REG1A: variants seen among roughly 807,000 people sequenced by gnomAD.
REG1A encodes the protein regenerating family member 1 alpha.
REG1A carries 20 observed loss-of-function variants against 20.7 expected under a neutral mutation model. That is an observed-to-expected ratio of 0.97 (90% confidence interval 0.68 to 1.41). The LOEUF (loss-of-function observed/expected upper bound fraction) is 1.41, where lower values mean the gene tolerates loss of function less well. Ranked by LOEUF, REG1A falls within the 40% of genes most tolerant of loss-of-function variation. The pLI is 0.00. For missense variants in REG1A, 193 were observed against 201.8 expected, an observed-to-expected ratio of 0.96 and a Z score of 0.26; for synonymous variants, 90 against 71.6, an observed-to-expected ratio of 1.26 and a Z score of -1.30.
Position 79,123,289 on chromosome 2 carries a change from C to G in REG1A, c.*74C>G, listed in dbSNP as rs1438214334. 1 of 943,552 alleles carries G rather than the reference C, an allele frequency of 1.1e-6. No individual in the cohort carries two copies. 58.4% of individuals were successfully genotyped at this position (943,552 alleles called of 1,614,324 possible). A position where few individuals can be genotyped will look rare whatever the true frequency, so the allele number is the denominator to read the frequency against. On this transcript the variant is annotated 3_prime_UTR_variant, in exon 6 of 6. Coordinates refer to ENST00000233735, the MANE Select transcript of REG1A (RefSeq NM_002909.5). ...AGTCAAAAATTAAACCGGACCATCT[C>G]TCCAACTCAACTCAACCTGGACACT... is the stretch of plus-strand genomic sequence containing the variant.
chr2:79,121,703 G>T, intron 3 of REG1A, 23 bp downstream of exon 3: 1 of 1,604,478 alleles, frequency 6.2e-7, no homozygotes, highest in Non-Finnish European at 8.5e-7. Flanking sequence ...AGCAGTGTGG[G>T]AAGGGAGACT....
rs1672916271 is a variant in REG1A, at chr2:79,123,305, C to A, written c.*90C>A. On this transcript the variant is annotated 3_prime_UTR_variant, in exon 6 of 6. Coordinates refer to ENST00000233735, the MANE Select transcript of REG1A (RefSeq NM_002909.5). ...GGACCATCTCTCCAACTCAACTCAA[C>A]CTGGACACTCTCTTCTCTGCTGAGT... is the stretch of plus-strand genomic sequence containing the variant. 2.7e-6 allele frequency: 2 copies of A among 749,488 alleles called. No individual in the cohort carries two copies. Among genetic ancestry groups the A allele is most frequent in the Non-Finnish European group, 4.5e-6 (2 of 443,008 alleles). 46.4% of individuals were successfully genotyped at this position (749,488 alleles called of 1,614,324 possible).
At chr2:79,121,826 C>T in intron 3 of REG1A, 146 bp downstream of exon 3, 1 of 1,332,476 alleles carries the variant, frequency 7.5e-7, no homozygotes, top group East Asian at 2.3e-5. Flanking sequence ...CTACTTTATC[C>T]CATTATTCAG....
intron 2 of REG1A, 128 bp from the exon 3 acceptor site, chr2:79,121,434 T>G (rs1043892305): frequency 1.3e-6 from 1 of 748,552 alleles, no homozygotes; most frequent in Non-Finnish European, 2.3e-6. Flanking sequence ...GCAGGAGCAA[T>G]AGTGAGCAGT....
intron 2 of REG1A, among the ~76,000 whole-genome samples, 182 bp from the exon 3 acceptor site, chr2:79,121,380 T>A (rs1428162085): frequency 6.6e-6 from 1 of 152,142 alleles, no homozygotes; most frequent in Non-Finnish European, 1.5e-5. Flanking sequence ...TCATTCTGTT[T>A]TTTTTCCCCT....
At chr2:79,121,513 G>A (rs200108839) in intron 2 of REG1A, 49 bp from the exon 3 acceptor site, 245 of 1,487,688 alleles carry the variant, frequency 1.6e-4, no homozygotes, top group Admixed American at 3.7e-4. Context: ...TCACCTTCAA[G>A]CCTTTTCCTT....
In REG1A at chr2:79,121,658, G is replaced by C. The variant is rs768985544; in HGVS notation, c.161G>C (p.Arg54Pro). 1.2e-6 allele frequency: 2 copies of C among 1,614,010 alleles called. No homozygotes were observed. The highest frequency in any genetic ancestry group is 3.3e-5 in the Admixed American group (2 of 60,010). ...RSYCYYFNED[R>P]ETWVDADLYC... ...TACTGCTACTACTTTAATGAAGACC[G>C]TGAGACCTGGGTTGATGCAGATGTG... is the stretch of plus-strand genomic sequence containing the variant. The change falls in exon 3 of 6, where the codon CGT becomes CCT. Residue 54 changes from arginine (R) to proline (P), a missense_variant. Transcript: ENST00000233735.
intron 3 of REG1A, 41 bp downstream of exon 3, chr2:79,121,721 G>C (rs755150453): frequency 5.1e-6 from 8 of 1,578,858 alleles, no homozygotes; most frequent in Non-Finnish European, 7.0e-6. Flanking sequence ...ACTCATGAAG[G>C]GAGGGGAAGC....
rs144307810 is a variant in REG1A at position 79,123,164 on chromosome 2, G to A, written c.450G>A (p.Lys150=). The change falls in exon 6 of 6, where the codon AAG becomes AAA. Residue 150 remains lysine (K), a synonymous_variant. Transcript: ENST00000233735. ...GACTTATAGGATTCCAGAAATGGAA[G>A]GATGTGCCTTGTGAAGACAAGTTCT... ...LTSSTGFQKW[K]DVPCEDKFSF... The A allele has an allele frequency of 4.8e-3, 7,805 of 1,612,290 alleles. 36 individuals carry two copies. Among genetic ancestry groups the A allele is most frequent in the Non-Finnish European group, 5.4e-3 (6,396 of 1,178,960 alleles).
Position 79,123,299 on chromosome 2 carries a change from A to G in REG1A, c.*84A>G. On this transcript the variant is annotated 3_prime_UTR_variant, in exon 6 of 6. Transcript: ENST00000233735. Reference sequence around the variant, plus strand: ...TAAACCGGACCATCTCTCCAACTCAACTCAACCTGGACACTCTCTTCTCTG... The same window carrying G: ...TAAACCGGACCATCTCTCCAACTCAGCTCAACCTGGACACTCTCTTCTCTG... 3 of 810,514 alleles carry G rather than the reference A, an allele frequency of 3.7e-6. No homozygotes were observed. Among genetic ancestry groups the G allele is most frequent in the South Asian group, 1.7e-5 (1 of 57,728 alleles). The allele number at this position is 810,514 out of a possible 1,614,324, so 50.2% of individuals were successfully genotyped here.
chr2:79,121,184 T>C (rs1258741934), intron 2 of REG1A, among the ~76,000 whole-genome samples: 1 of 152,158 alleles, frequency 6.6e-6, no homozygotes, highest in East Asian at 1.9e-4. Flanking sequence ...ATTAAATTTA[T>C]ACGTGATGGT....
chr2:79,120,676 C>T (rs1672869726), intron 1 of REG1A, 140 bp from the exon 2 acceptor site: 2 of 454,756 alleles, frequency 4.4e-6, no homozygotes, highest in Non-Finnish European at 7.9e-6. Flanking sequence ...ATAATCCCCA[C>T]TCTCAAGAGA....
intron 3 of REG1A, 112 bp downstream of exon 3, chr2:79,121,792 A>C: frequency 7.6e-7 from 1 of 1,323,696 alleles, no homozygotes; most frequent in Non-Finnish European, 1.1e-6. Flanking sequence ...TTGCTATACT[A>C]TCATCAGCCC....
Position 79,123,200 on chromosome 2 carries a change from C to T in REG1A, c.486C>T (p.Cys162=). ...GTGAAGACAAGTTCTCCTTTGTCTG[C>T]AAGTTCAAAAACTAGAGGCAACTGG... The part of the protein sequence containing the change: ...VPCEDKFSFV[C]KFKN The change falls in exon 6 of 6, where the codon TGC becomes TGT. Residue 162 remains cysteine, a synonymous_variant. Coordinates refer to ENST00000233735, the MANE Select transcript of REG1A (RefSeq NM_002909.5). The T allele has an allele frequency of 6.2e-7, 1 of 1,611,312 alleles. No individual in the cohort carries two copies. The highest frequency in any genetic ancestry group is 1.7e-4 in the Middle Eastern group (1 of 6,052).
intron 4 of REG1A, 87 bp from the exon 5 acceptor site, chr2:79,122,754 A>G: frequency 1.2e-6 from 1 of 860,844 alleles, no homozygotes; most frequent in Non-Finnish European, 1.9e-6. Context: ...TTTGTGTCTT[A>G]GCATGTTTCT....
At chr2:79,122,989 T>G (rs1283071759) in intron 5 of REG1A, 37 bp downstream of exon 5, 31 of 1,568,980 alleles carry the variant, frequency 2.0e-5, no homozygotes, top group Non-Finnish European at 2.6e-5. Context: ...GTTTCTGTTC[T>G]CTCCTGCTTA....
At chr2:79,121,494 G>C in intron 2 of REG1A, 68 bp from the exon 3 acceptor site, 2 of 1,256,964 alleles carry the variant, frequency 1.6e-6, no homozygotes, top group African/African-American at 1.5e-5. Context: ...AACCTCAGAA[G>C]CTCTTACCTC....
intron 1 of REG1A, 25 bp from the exon 2 acceptor site, chr2:79,120,791 C>T (rs1572940856): frequency 8.1e-7 from 1 of 1,242,192 alleles, no homozygotes; most frequent in South Asian, 1.6e-5. Context: ...TCTCTCAGAA[C>T]CCCCTTCTCT....
Position 79,122,050 on chromosome 2 carries a change from C to A in REG1A, c.246C>A (p.Ala82=), listed in dbSNP as rs1467998505. The stretch of plus-strand genomic sequence containing the variant: ...CTGTGCTCACCCAGGCCGAGGGTGC[C>A]TTTGTGGCCTCACTGATTAAGGAGA... ...LVSVLTQAEG[A]FVASLIKESG... The change falls in exon 4 of 6, where the codon GCC becomes GCA. Residue 82 remains alanine (A), a synonymous_variant. Transcript: ENST00000233735. 6.2e-7 allele frequency: 1 copy of A among 1,614,048 alleles called. No homozygotes were observed. Among genetic ancestry groups the A allele is most frequent in the Non-Finnish European group, 8.5e-7 (1 of 1,179,986 alleles).
Sources: allele counts gnomAD v4.1 joint callset (sites outside exome capture counted in the v4.1 genomes callset), GRCh38; gene constraint gnomAD v4.1.1; transcripts MANE v1.5; gene names NCBI Gene and HGNC (gene_info 2026-07-23, HGNC 2026-07-21).